The following CMSS1 variants were observed in gnomAD, a reference collection of about 807,000 sequenced individuals.
CMSS1 encodes cms1 ribosomal small subunit homolog.
In CMSS1, 33 loss-of-function variants were observed where a neutral mutation model predicts 43.5. That is an observed-to-expected ratio of 0.76 (90% CI 0.57 to 1.01). The LOEUF (loss-of-function observed/expected upper bound fraction) is 1.01, where lower values mean the gene tolerates loss of function less well. Among genes scored for constraint, CMSS1 ranks in the 50% least tolerant of loss-of-function variants. The pLI is 0.00. For missense variants in CMSS1, 313 were observed against 326.4 expected, an observed-to-expected ratio of 0.96 and a Z score of 0.32; for synonymous variants, 115 against 117.2, an observed-to-expected ratio of 0.98 and a Z score of 0.12.
At chr3:99,866,057 G>A (rs1944497939) in intron 1 of CMSS1, among the ~76,000 whole-genome samples, 1 of 151,744 alleles carries the variant, frequency 6.6e-6, no homozygotes, top group Non-Finnish European at 1.5e-5. Context: ...TCTACTCTTC[G>A]TTGGGCTGCT....
intron 1 of CMSS1, among the ~76,000 whole-genome samples, chr3:100,042,286 T>C (rs1334867351): frequency 6.6e-6 from 1 of 152,184 alleles, no homozygotes; most frequent in South Asian, 2.1e-4. Flanking sequence ...GCTGTAAATG[T>C]CAATATAAAC....
At chr3:100,055,199 T>C (rs1419486788) in intron 1 of CMSS1, among the ~76,000 whole-genome samples, 1 of 152,208 alleles carries the variant, frequency 6.6e-6, no homozygotes, top group Non-Finnish European at 1.5e-5. Flanking sequence ...TATCAATTTC[T>C]TCGTGTATGC....
Position 99,858,390 on chromosome 3 carries a change from G to A in CMSS1, c.64+40347G>A, listed in dbSNP as rs185848395. On this transcript the variant is annotated intron_variant, in intron 1 of 9. Coordinates refer to ENST00000421999, the MANE Select transcript of CMSS1 (RefSeq NM_032359.4). The stretch of plus-strand genomic sequence containing the variant: ...TGAGGCAGGAGAATTGCTTGAACCC[G>A]TGAGGCAGAGGTTGCAATGAGCTGA... Among the ~76,000 whole-genome samples, 250 of 152,130 alleles carry A rather than the reference G, an allele frequency of 1.6e-3. 1 individual carries two copies. The highest frequency in any genetic ancestry group is 5.9e-3 in the African/African-American group (243 of 41,484).
chr3:100,149,260 A>T (rs9289981), intron 2 of CMSS1, among the ~76,000 whole-genome samples: 58,050 of 151,948 alleles, frequency 0.38, 11,254 homozygotes, highest in South Asian at 0.46. Context: ...GGTAGGTGGT[A>T]CCCACTTTAC....
At chr3:100,004,683 G>A (rs1709938698) in intron 1 of CMSS1, among the ~76,000 whole-genome samples, 1 of 152,174 alleles carries the variant, frequency 6.6e-6, no homozygotes, top group African/African-American at 2.4e-5. Flanking sequence ...CACCATAGGT[G>A]GGGGTTGAGG....
chr3:99,969,610 T>C (rs1368418772), intron 1 of CMSS1, among the ~76,000 whole-genome samples: 6 of 152,148 alleles, frequency 3.9e-5, no homozygotes, highest in African/African-American at 1.4e-4. Flanking sequence ...CAAGGAACTA[T>C]GGTTTTCCAG....
chr3:100,014,900 T>TC (rs1256560258), intron 1 of CMSS1, among the ~76,000 whole-genome samples: 12 of 141,540 alleles, frequency 8.5e-5, no homozygotes, highest in Non-Finnish European at 1.5e-4. Flanking sequence ...TCTTTCTTTT[T>TC]TTTTTTTTTT....
intron 1 of CMSS1, among the ~76,000 whole-genome samples, chr3:99,861,674 T>C (rs1448585624): frequency 6.6e-6 from 1 of 152,164 alleles, no homozygotes; most frequent in African/African-American, 2.4e-5. Flanking sequence ...CAGCAAGAGA[T>C]TGCAGTAAAC....
chr3:99,915,489 T>C (rs185345926), intron 1 of CMSS1, among the ~76,000 whole-genome samples: 52 of 152,270 alleles, frequency 3.4e-4, no homozygotes, highest in Admixed American at 6.5e-4. Context: ...AGACTTTGGA[T>C]GTACTTAAAA....
At chr3:99,922,408 G>A (rs1707152996) in intron 1 of CMSS1, among the ~76,000 whole-genome samples, 1 of 152,102 alleles carries the variant, frequency 6.6e-6, no homozygotes, top group South Asian at 2.1e-4. Flanking sequence ...GAGTTCATGA[G>A]GAGCAAGTTA....
chr3:99,919,042 A>T (rs1279318431), intron 1 of CMSS1, among the ~76,000 whole-genome samples: 1 of 152,196 alleles, frequency 6.6e-6, no homozygotes, highest in Non-Finnish European at 1.5e-5. Context: ...GGCTTTCAAA[A>T]TATTTTTTTT....
In CMSS1 at chr3:100,156,960, A is replaced by T. The variant is rs192571273; in HGVS notation, c.154-3470A>T. Among the ~76,000 whole-genome samples the T allele has an allele frequency of 3.0e-4, 46 of 152,196 alleles. No homozygotes were observed. In the East Asian group the frequency reaches 8.3e-3, roughly 28 times the overall value. On this transcript the variant is annotated intron_variant, in intron 2 of 9. Transcript: ENST00000421999. ...TTGTTGAGACAGGGTCTCACTATGT[A>T]ACCAGGGCTGGTCTCAAACTCCTGG...
Position 100,178,375 on chromosome 3 carries a change from T to C in CMSS1, c.827T>C (p.Leu276Pro). ...CTGTGCAAGTCAGAATCCTTGAAAC[T>C]GGGCCTTTTCTAAGTCTGTGTCCTA... is the stretch of plus-strand genomic sequence containing the variant. ...LSLCKSESLK[L>P]GLF Residue 276 changes from leucine (L) to proline (P), a missense_variant, in exon 10 of 10, where the codon CTG (leucine) becomes CCG (proline). Leu to Pro is a moderately conservative substitution (Grantham distance 98, BLOSUM62 -3). Coordinates refer to ENST00000421999, the MANE Select transcript of CMSS1 (RefSeq NM_032359.4). 6.2e-7 allele frequency: 1 copy of C among 1,611,040 alleles called. No homozygotes were observed.
intron 1 of CMSS1, among the ~76,000 whole-genome samples, chr3:100,136,523 A>G (rs983923675): frequency 1.5e-4 from 23 of 152,298 alleles, no homozygotes; most frequent in African/African-American, 4.8e-4. Flanking sequence ...CTCTCCTTCA[A>G]TGAATTCCTC....
Position 100,066,753 on chromosome 3 carries a change from G to A in CMSS1, c.65-80220G>A, listed in dbSNP as rs1472543862. 3.2e-5 allele frequency among the ~76,000 whole-genome samples: 3 copies of A among 94,616 alleles called. 1 individual carries two copies. The highest frequency in any genetic ancestry group is 7.4e-5 in the Non-Finnish European group (3 of 40,600). 62.1% of individuals were successfully genotyped at this position (94,616 alleles called of 152,430 possible). On this transcript the variant is annotated intron_variant, in intron 1 of 9. Transcript: ENST00000421999. Reference sequence around the variant, plus strand: ...TCACCATTTTAGCCGGGATGGTCTCGATCTCCTGACCTCGTGATCCGCCCG... The same window carrying A: ...TCACCATTTTAGCCGGGATGGTCTCAATCTCCTGACCTCGTGATCCGCCCG...
intron 1 of CMSS1, among the ~76,000 whole-genome samples, 169 bp downstream of exon 1, chr3:99,818,212 G>T (rs1225414543): frequency 2.0e-5 from 3 of 152,256 alleles, no homozygotes; most frequent in African/African-American, 7.2e-5. Context: ...TTTAACACGT[G>T]AAACAGACAG....
At chr3:99,965,308 T>A (rs929942323) in intron 1 of CMSS1, among the ~76,000 whole-genome samples, 1 of 152,228 alleles carries the variant, frequency 6.6e-6, no homozygotes, top group African/African-American at 2.4e-5. Context: ...TAATTTTTTA[T>A]CAAGAATGAA....
intron 8 of CMSS1, 37 bp downstream of exon 8, chr3:100,172,440 TG>T: frequency 6.5e-7 from 1 of 1,534,556 alleles, no homozygotes; most frequent in Non-Finnish European, 9.0e-7. Flanking sequence ...TGCCCAGGGC[TG>T]GGAGTTTGCC....
intron 1 of CMSS1, among the ~76,000 whole-genome samples, chr3:100,061,407 G>A (rs2065563542): frequency 6.6e-6 from 1 of 152,200 alleles, no homozygotes; most frequent in Admixed American, 6.5e-5. Flanking sequence ...ATGTTTGGCT[G>A]ATGTAGGCAA....
Sources: gnomAD v4.1 joint callset for allele counts (sites outside exome capture counted in the v4.1 genomes callset) on GRCh38, gnomAD v4.1.1 for gene constraint, MANE v1.5 for transcripts, NCBI Gene and HGNC (gene_info 2026-07-23, HGNC 2026-07-21) for gene names.